GULP1: variants seen among roughly 807,000 people sequenced by gnomAD.
GULP1 encodes the protein PTB domain-containing engulfment adapter protein 1.
In GULP1, 19 loss-of-function variants were observed where a neutral mutation model predicts 40.9. The ratio of observed to expected loss-of-function variants is 0.46; its 90% confidence interval spans 0.32 to 0.68. The LOEUF is 0.68. GULP1 is among the 30% of genes least tolerant of loss of function. GULP1 has a pLI of 0.03. For synonymous variants in GULP1, 119 were observed against 117.6 expected, an observed-to-expected ratio of 1.01 and a Z score of -0.08; for missense variants, 312 against 362.2, an observed-to-expected ratio of 0.86 and a Z score of 1.12.
At chr2:188,492,898 A>G (rs2062539880) in intron 4 of GULP1, among the ~76,000 whole-genome samples, 1 of 152,066 alleles carries the variant, frequency 6.6e-6, no homozygotes, top group East Asian at 1.9e-4. Context: ...AATGCATATC[A>G]TACATGAATG....
intron 2 of GULP1, among the ~76,000 whole-genome samples, chr2:188,386,733 C>A (rs181170558): frequency 1.1e-3 from 166 of 152,104 alleles, no homozygotes; most frequent in African/African-American, 3.7e-3. Flanking sequence ...AAGGTAGTAA[C>A]AAGTTAAAGT....
chr2:188,433,012 T>C (rs2057043678), intron 2 of GULP1, among the ~76,000 whole-genome samples: 1 of 152,122 alleles, frequency 6.6e-6, no homozygotes, highest in Non-Finnish European at 1.5e-5. Context: ...AGAATGGGTT[T>C]TATCTTGACA....
chr2:188,340,645 T>TA (rs906394446), intron 1 of GULP1, among the ~76,000 whole-genome samples: 1 of 152,266 alleles, frequency 6.6e-6, no homozygotes, highest in African/African-American at 2.4e-5. Context: ...TGTGAGGTGA[T>TA]TGCTTTCTGC....
chr2:188,342,772 G>T (rs1176591707), intron 1 of GULP1, among the ~76,000 whole-genome samples: 1 of 151,982 alleles, frequency 6.6e-6, no homozygotes, highest in Non-Finnish European at 1.5e-5. Flanking sequence ...TTTTCGTTTT[G>T]CTACTTCTCT....
intron 4 of GULP1, among the ~76,000 whole-genome samples, chr2:188,490,470 A>G (rs1395787882): frequency 1.3e-5 from 2 of 152,102 alleles, no homozygotes; most frequent in East Asian, 1.9e-4. Context: ...TGTCTGTTAA[A>G]TGATTCTCTG....
In GULP1 at chr2:188,300,338, A is replaced by G. The variant is rs192918044; in HGVS notation, c.-172+8172A>G. Among the ~76,000 whole-genome samples, 138 of 152,324 alleles carry G rather than the reference A, an allele frequency of 9.1e-4. 1 individual carries two copies. In the Middle Eastern group the frequency reaches 0.01, roughly 11 times the overall value. On this transcript the variant is annotated intron_variant, in intron 1 of 11. Coordinates refer to ENST00000409830, the MANE Select transcript of GULP1 (RefSeq NM_016315.4). Reference sequence around the variant, plus strand: ...CTTGGTAGTAAGTAACTGTGCCAGTATTAACAATTTTTATGAATAATATTG... The same window carrying G: ...CTTGGTAGTAAGTAACTGTGCCAGTGTTAACAATTTTTATGAATAATATTG...
intron 2 of GULP1, among the ~76,000 whole-genome samples, chr2:188,436,037 A>G (rs909368034): frequency 1.3e-5 from 2 of 152,066 alleles, no homozygotes; most frequent in Non-Finnish European, 2.9e-5. Flanking sequence ...AAACCTCTCC[A>G]TCTTTACCAT....
intron 1 of GULP1, among the ~76,000 whole-genome samples, chr2:188,370,470 C>A (rs1322320258): frequency 6.6e-6 from 1 of 152,118 alleles, no homozygotes; most frequent in Admixed American, 6.5e-5. Flanking sequence ...GATCTCATTG[C>A]ATATTTTATT....
chr2:188,311,880 T>C (rs2038199073), intron 1 of GULP1, among the ~76,000 whole-genome samples: 1 of 148,416 alleles, frequency 6.7e-6, no homozygotes, highest in South Asian at 2.1e-4. Context: ...ATATACACAT[T>C]ACATATTTAT....
chr2:188,406,342 C>A (rs1368527512), intron 2 of GULP1, among the ~76,000 whole-genome samples: 1 of 152,122 alleles, frequency 6.6e-6, no homozygotes, highest in Admixed American at 6.6e-5. Flanking sequence ...ATATTATAAT[C>A]TTATGGGACA....
chr2:188,437,918 T>C (rs1206769389), intron 2 of GULP1, among the ~76,000 whole-genome samples: 1 of 151,964 alleles, frequency 6.6e-6, no homozygotes, highest in Non-Finnish European at 1.5e-5. Flanking sequence ...CCAGGGTTAC[T>C]TGAGGGTAGA....
intron 2 of GULP1, among the ~76,000 whole-genome samples, chr2:188,405,163 A>C (rs1390441079): frequency 6.6e-6 from 1 of 152,088 alleles, no homozygotes; most frequent in Non-Finnish European, 1.5e-5. Flanking sequence ...AATTAAGGCC[A>C]GTGCTTGCAG....
At chr2:188,413,262 C>G (rs2054151424) in intron 2 of GULP1, among the ~76,000 whole-genome samples, 1 of 152,280 alleles carries the variant, frequency 6.6e-6, no homozygotes, top group Non-Finnish European at 1.5e-5. Flanking sequence ...CTTGAGGAAT[C>G]GCCACACTGT....
intron 2 of GULP1, among the ~76,000 whole-genome samples, chr2:188,456,771 G>A (rs940381436): frequency 1.9e-4 from 29 of 152,224 alleles, no homozygotes; most frequent in African/African-American, 7.0e-4. Flanking sequence ...CTTGTACCGT[G>A]CACCTGGAAA....
chr2:188,514,663 G>A (rs550374923), intron 4 of GULP1, among the ~76,000 whole-genome samples: 1 of 151,892 alleles, frequency 6.6e-6, no homozygotes, highest in South Asian at 2.1e-4. Context: ...CTCACATGGA[G>A]GAATTAAGAC....
At chr2:188,427,378 C>T (rs73040450) in intron 2 of GULP1, among the ~76,000 whole-genome samples, 10,205 of 152,198 alleles carry the variant, frequency 0.067, 1,150 homozygotes, top group African/African-American at 0.23. Flanking sequence ...TGCTATTAGC[C>T]AAGACAATGG....
intron 6 of GULP1, among the ~76,000 whole-genome samples, chr2:188,540,703 T>G (rs1690246573): frequency 6.6e-6 from 1 of 152,150 alleles, no homozygotes; most frequent in African/African-American, 2.4e-5. Flanking sequence ...ATAGTGTGTT[T>G]CACATGAAAT....
chr2:188,541,220 T>C lies in GULP1; in HGVS notation c.301T>C (p.Cys101Arg). The C allele has an allele frequency of 6.2e-7, 1 of 1,612,468 alleles. No individual in the cohort carries two copies. The highest frequency in any genetic ancestry group is 8.5e-7 in the Non-Finnish European group (1 of 1,178,532). Reference protein sequence around the residue: ...HNCQLHRISFCADDKTDKRIF... With the variant: ...HNCQLHRISFRADDKTDKRIF... ...TTGCCAGCTTCATAGAATATCTTTT[T>C]GTGCAGATGATAAAACTGACAAGAG... Residue 101 changes from cysteine (C) to arginine (R), a missense_variant, in exon 7 of 12, where the codon TGT becomes CGT. Physicochemically the swap from Cys to Arg is radical, Grantham distance 180 (BLOSUM62 -3). Transcript: ENST00000409830.
intron 1 of GULP1, among the ~76,000 whole-genome samples, chr2:188,360,490 C>G (rs2045937898): frequency 6.6e-6 from 1 of 151,634 alleles, no homozygotes; most frequent in South Asian, 2.1e-4. Flanking sequence ...TTGGATGCAT[C>G]AAATCATAGA....
Sources: allele counts gnomAD v4.1 joint callset (sites outside exome capture counted in the v4.1 genomes callset), GRCh38; gene constraint gnomAD v4.1.1; transcripts MANE v1.5; gene names NCBI Gene and HGNC (gene_info 2026-07-23, HGNC 2026-07-21).